Variants in SPAG17 observed in about 807,000 individuals in gnomAD.
SPAG17 encodes the protein sperm-associated antigen 17.
SPAG17 carries 169 observed loss-of-function variants against 273.6 expected under a neutral mutation model. That is an observed-to-expected ratio of 0.62 (90% CI 0.55 to 0.70). SPAG17 has a LOEUF of 0.70. Ranked by LOEUF, SPAG17 falls within the 30% of genes least tolerant of loss-of-function variation. The pLI is 0.00. For synonymous variants in SPAG17, 825 were observed against 873.2 expected, an observed-to-expected ratio of 0.94 and a Z score of 0.97; for missense variants, 2,557 against 2,627.8, an observed-to-expected ratio of 0.97 and a Z score of 0.59.
intron 24 of SPAG17, among the ~76,000 whole-genome samples, chr1:118,032,330 G>T (rs1648570237): frequency 6.6e-6 from 1 of 152,008 alleles, no homozygotes; most frequent in Non-Finnish European, 1.5e-5. Flanking sequence ...AATAAAATAA[G>T]TGGTACAAAC....
chr1:118,005,355 G>A (rs940331693), intron 32 of SPAG17, 59 bp downstream of exon 32: 5 of 1,398,198 alleles, frequency 3.6e-6, no homozygotes, highest in Non-Finnish European at 4.8e-6. Context: ...GCTTTGTAGT[G>A]TGAAATATCT....
intron 5 of SPAG17, among the ~76,000 whole-genome samples, chr1:118,101,440 A>T (rs1042218672): frequency 3.3e-5 from 5 of 152,190 alleles, no homozygotes; most frequent in African/African-American, 1.2e-4. Flanking sequence ...TTGCTTGCAG[A>T]CACAAATGAA....
intron 32 of SPAG17, among the ~76,000 whole-genome samples, chr1:118,003,398 A>G (rs928766605): frequency 6.6e-6 from 1 of 152,162 alleles, no homozygotes; most frequent in Non-Finnish European, 1.5e-5. Flanking sequence ...GTTCTCCTGG[A>G]TAATATCCTG....
At chr1:118,101,623 G>A (rs2102220352) in intron 5 of SPAG17, 117 bp downstream of exon 5, 1 of 961,226 alleles carries the variant, frequency 1.0e-6, no homozygotes. Context: ...ATGATTGTGG[G>A]GGAATTGGCG....
At chr1:118,088,689 AG>A (rs1655165584) in intron 10 of SPAG17, among the ~76,000 whole-genome samples, 1 of 152,190 alleles carries the variant, frequency 6.6e-6, no homozygotes, top group African/African-American at 2.4e-5. Flanking sequence ...GTAAAAAAAA[AG>A]TAGAGAATTT....
intron 3 of SPAG17, among the ~76,000 whole-genome samples, chr1:118,138,316 A>G (rs1658477634): frequency 6.6e-6 from 1 of 152,214 alleles, no homozygotes. Flanking sequence ...TCTTGTGCCC[A>G]TTACCCAGCA....
intron 20 of SPAG17, among the ~76,000 whole-genome samples, chr1:118,045,209 C>T (rs912175232): frequency 1.3e-5 from 2 of 152,164 alleles, no homozygotes; most frequent in Admixed American, 1.3e-4. Flanking sequence ...GCATCTTTTG[C>T]TCTAATGAGG....
intron 30 of SPAG17, among the ~76,000 whole-genome samples, chr1:118,011,736 T>A (rs1000521909): frequency 6.6e-6 from 1 of 151,796 alleles, no homozygotes; most frequent in African/African-American, 2.4e-5. Flanking sequence ...AATGAATACA[T>A]AAATAAAACA....
intron 3 of SPAG17, among the ~76,000 whole-genome samples, chr1:118,136,110 A>G (rs1306531587): frequency 6.6e-6 from 1 of 152,184 alleles, no homozygotes; most frequent in Non-Finnish European, 1.5e-5. Context: ...ATACTGTGAA[A>G]GTATTTTGGA....
chr1:118,148,534 C>T (rs1003309065), intron 3 of SPAG17, among the ~76,000 whole-genome samples: 2 of 151,882 alleles, frequency 1.3e-5, no homozygotes, highest in Non-Finnish European at 1.5e-5. Context: ...TTACAGAGTG[C>T]TGATTGGCCC....
At chr1:117,999,979 C>A (rs1048973134) in intron 32 of SPAG17, among the ~76,000 whole-genome samples, 2 of 152,094 alleles carry the variant, frequency 1.3e-5, no homozygotes, top group African/African-American at 4.8e-5. Context: ...AGTCTTTAAT[C>A]CATCTTGAAT....
At chr1:117,998,995 G>A (rs563419228) in intron 32 of SPAG17, among the ~76,000 whole-genome samples, 40 of 79,028 alleles carry the variant, frequency 5.1e-4, no homozygotes, top group Middle Eastern at 8.3e-3. Flanking sequence ...TCCTACCCCC[G>A]ACAGTCCCCC....
chr1:118,177,309 G>C (rs1405516317), intron 1 of SPAG17, among the ~76,000 whole-genome samples: 1 of 152,156 alleles, frequency 6.6e-6, no homozygotes, highest in African/African-American at 2.4e-5. Context: ...GAAAGCATAT[G>C]AGCCAGTTCA....
At position 118,086,025 on chromosome 1, in the gene SPAG17, G is replaced by A. The variant is rs772595007; in HGVS notation, c.1659C>T (p.Ser553=). ...GAAGAAATTCCCACAGTGGCAACTT[G>A]GACTGCATCTCCTGCTCAATTTGAA... ...DPVQIEQEMQ[S]KLPLWEFLQF... The change falls in exon 13 of 49, where the codon TCC becomes TCT. Residue 553 remains serine, a synonymous_variant. Transcript: ENST00000336338. The A allele has an allele frequency of 4.3e-6, 7 of 1,613,706 alleles. No individual in the cohort carries two copies. The Admixed American group carries it at 1.2e-4, about 27-fold the overall frequency.
chr1:117,954,161 T>C, intron 48 of SPAG17, 112 bp from the exon 49 acceptor site: 1 of 1,415,292 alleles, frequency 7.1e-7, no homozygotes, highest in Non-Finnish European at 9.8e-7. Context: ...AGAAAAACCA[T>C]TGTTTTGGGA....
Position 117,994,542 on chromosome 1 carries a change from A to C in SPAG17, c.5054-12T>G. ...GATGGTTAGGGTGCCTGGTTCAAAGAAAGTTGTCAGAAGACCATTACCCAT... is the reference window on the plus strand; with the variant it reads ...GATGGTTAGGGTGCCTGGTTCAAAGCAAGTTGTCAGAAGACCATTACCCAT... On this transcript the variant is annotated splice_polypyrimidine_tract_variant and intron_variant, in intron 34 of 48. Coordinates refer to ENST00000336338, the MANE Select transcript of SPAG17 (RefSeq NM_206996.4). 6.2e-7 allele frequency: 1 copy of C among 1,601,712 alleles called. No homozygotes were observed.
intron 1 of SPAG17, among the ~76,000 whole-genome samples, chr1:118,156,156 T>C (rs1659638073): frequency 6.6e-6 from 1 of 152,246 alleles, no homozygotes. Context: ...TTTCACTTAA[T>C]TAGATAATAC....
chr1:118,049,178 A>G (rs1047964114), intron 20 of SPAG17, among the ~76,000 whole-genome samples: 6 of 152,188 alleles, frequency 3.9e-5, no homozygotes, highest in South Asian at 2.1e-4. Context: ...TTCTCACCCT[A>G]TGAAAAAAAT....
rs552838078 is a variant in SPAG17 at position 118,000,217 on chromosome 1, T to C, written c.4777-3474A>G. On this transcript the variant is annotated intron_variant, in intron 32 of 48. Transcript: ENST00000336338. ...TGATACCAGTACCATGCTGTTTTGG[T>C]AACTGTAGCCTTGTAGTATAGTTTG... Among the ~76,000 whole-genome samples, 46 of 152,288 alleles carry C rather than the reference T, an allele frequency of 3.0e-4. 1 individual carries two copies. Among genetic ancestry groups the C allele is most frequent in the Non-Finnish European group, 2.9e-5 (2 of 67,992 alleles).
Sources: allele counts gnomAD v4.1 joint callset (sites outside exome capture counted in the v4.1 genomes callset), GRCh38; gene constraint gnomAD v4.1.1; transcripts MANE v1.5; gene names NCBI Gene and HGNC (gene_info 2026-07-23, HGNC 2026-07-21).